PAG1: variants seen among roughly 807,000 people sequenced by gnomAD.
PAG1 encodes the protein phosphoprotein associated with glycosphingolipid-enriched microdomains 1.
PAG1 carries 23 observed loss-of-function variants against 31.7 expected under a neutral mutation model. The observed-to-expected ratio is 0.73, with a 90% CI of 0.52 to 1.03. The LOEUF (loss-of-function observed/expected upper bound fraction) is 1.03. PAG1 is among the 50% of genes least tolerant of loss of function. The pLI is 0.00. For missense variants in PAG1, 473 were observed against 540.7 expected (o/e 0.87, Z 1.24); for synonymous variants, 214 against 210.3 (o/e 1.02, Z -0.15).
intron 1 of PAG1, among the ~76,000 whole-genome samples, chr8:81,085,264 CA>C (rs1809333005): frequency 1.3e-5 from 2 of 152,140 alleles, no homozygotes. Context: ...CTGCATGGTA[CA>C]GTAGTCAGTG....
At chr8:81,029,770 GC>G (rs1396495264) in intron 3 of PAG1, 4 of 152,074 alleles carry the variant, frequency 2.6e-5, no homozygotes, top group African/African-American at 9.7e-5. Flanking sequence ...TTTTCGTACA[GC>G]TCAGTGAGCT....
intron 3 of PAG1, among the ~76,000 whole-genome samples, chr8:81,009,339 T>C (rs1472142738): frequency 1.3e-5 from 2 of 152,190 alleles, no homozygotes; most frequent in African/African-American, 4.8e-5. Flanking sequence ...CTTTATAGAT[T>C]TTAAAAGTTC....
intron 8 of PAG1, among the ~76,000 whole-genome samples, chr8:80,977,739 A>C (rs1423220838): frequency 6.6e-6 from 1 of 152,152 alleles, no homozygotes; most frequent in Non-Finnish European, 1.5e-5. Flanking sequence ...GCACACCCCC[A>C]CAGTCTCACT....
chr8:81,039,235 T>C (rs560935727), intron 2 of PAG1: 23 of 152,322 alleles, frequency 1.5e-4, no homozygotes, highest in Admixed American at 5.2e-4. Context: ...AGTCCTAACC[T>C]CCAGGACTGC....
rs140275862 is a variant in PAG1 at position 81,053,084 on chromosome 8, T to C, written c.-175+17028A>G. ...TTCATAAAAGAGAATGCAGAGTTAA[T>C]AATATCATAAGCTTTGGAATAATAT... On this transcript the variant is annotated intron_variant, in intron 2 of 8. Coordinates refer to ENST00000220597, the MANE Select transcript of PAG1 (RefSeq NM_018440.4). Among the ~76,000 whole-genome samples the C allele has an allele frequency of 4.0e-3, 606 of 152,326 alleles. 6 individuals are homozygous for C. The highest frequency in any genetic ancestry group is 0.014 in the African/African-American group (566 of 41,564).
intron 3 of PAG1, among the ~76,000 whole-genome samples, chr8:80,998,423 C>T (rs898351223): frequency 2.6e-5 from 4 of 151,938 alleles, no homozygotes; most frequent in African/African-American, 7.3e-5. Flanking sequence ...CCACCATGAC[C>T]GGCCAGCAGG....
At chr8:80,994,178 G>A (rs1447069061) in intron 3 of PAG1, among the ~76,000 whole-genome samples, 1 of 150,988 alleles carries the variant, frequency 6.6e-6, no homozygotes, top group Non-Finnish European at 1.5e-5. Flanking sequence ...GTCTGAGAAG[G>A]TTTAAGGTCA....
intron 2 of PAG1, among the ~76,000 whole-genome samples, chr8:81,054,715 T>A (rs1026785025): frequency 6.6e-6 from 1 of 151,994 alleles, no homozygotes; most frequent in African/African-American, 2.4e-5. Context: ...TTCCTATCAA[T>A]CCTCAGAATG....
chr8:80,990,807 C>CTCTCCAAAAT lies in PAG1; in HGVS notation c.177+662_177+671dup, dbSNP rs751744355. 2.6e-5 allele frequency among the ~76,000 whole-genome samples: 4 copies of CTCTCCAAAAT among 152,148 alleles called. No individual in the cohort carries two copies. Among genetic ancestry groups the CTCTCCAAAAT allele is most frequent in the Non-Finnish European group, 2.9e-5 (2 of 68,030 alleles). On this transcript the variant is annotated intron_variant, in intron 5 of 8. Transcript: ENST00000220597. This position sits in a 1 kb window ranked among gnomAD's most constrained non-coding sequence, Gnocchi z 5.1. The stretch of plus-strand genomic sequence containing the variant: ...CCTGTTGTTATGGGTTGAACTGTGT[C>CTCTCCAAAAT]TCTCCAAAATTCATGTCCAAGTCCT...
chr8:81,102,637 C>T (rs1424744982), intron 1 of PAG1, among the ~76,000 whole-genome samples: 2 of 152,080 alleles, frequency 1.3e-5, no homozygotes, highest in Non-Finnish European at 2.9e-5. Context: ...TTTCATGATT[C>T]TAATATTACT....
At chr8:81,037,104 A>G (rs2130816822) in intron 2 of PAG1, 1 of 152,304 alleles carries the variant, frequency 6.6e-6, no homozygotes, top group East Asian at 1.9e-4. Flanking sequence ...TAAGTATGAC[A>G]CCGGAAAAAT....
At chr8:81,068,386 C>T (rs1004555444) in intron 2 of PAG1, among the ~76,000 whole-genome samples, 1 of 152,170 alleles carries the variant, frequency 6.6e-6, no homozygotes, top group East Asian at 1.9e-4. Flanking sequence ...AATCTACTTC[C>T]ACTGTGGAAA....
chr8:81,070,544 C>T (rs1051058414), intron 1 of PAG1, among the ~76,000 whole-genome samples: 2 of 152,006 alleles, frequency 1.3e-5, no homozygotes, highest in African/African-American at 4.8e-5. Flanking sequence ...TTATCACCAG[C>T]ACTGCACCTG....
At chr8:81,055,075 CTTTTTTT>C (rs773535023) in intron 2 of PAG1, among the ~76,000 whole-genome samples, 2 of 138,926 alleles carry the variant, frequency 1.4e-5, no homozygotes, top group Non-Finnish European at 3.1e-5. Flanking sequence ...CTTTTTTTTT[CTTTTTTT>C]TTTTTTTTGT....
Position 80,968,177 on chromosome 8 carries a change from A to G in PAG1, c.*8367T>C, listed in dbSNP as rs530555236. On this transcript the variant is annotated 3_prime_UTR_variant, in exon 9 of 9. Transcript: ENST00000220597. ...AACCCTAAACATAATTAATAATTGG[A>G]TCATTAAAAACACAACTTCAATTTA... 1 of 152,362 alleles carries G rather than the reference A, an allele frequency of 6.6e-6. No individual in the cohort carries two copies. The highest frequency in any genetic ancestry group is 2.1e-4 in the South Asian group (1 of 4,834). 9.4% of individuals were successfully genotyped at this position (152,362 alleles called of 1,614,324 possible).
chr8:81,018,897 G>A (rs866011347), intron 3 of PAG1, among the ~76,000 whole-genome samples: 4 of 152,148 alleles, frequency 2.6e-5, no homozygotes, highest in South Asian at 2.1e-4. Flanking sequence ...GGCAGAGGTC[G>A]GAATAGTTTG....
At chr8:81,092,189 C>CAAAA (rs58417714) in intron 1 of PAG1, among the ~76,000 whole-genome samples, 3 of 71,384 alleles carry the variant, frequency 4.2e-5, no homozygotes, top group South Asian at 5.1e-4. Context: ...CACATCTCTG[C>CAAAA]AAAAAAAAAA....
At chr8:81,041,229 CATGGTA>C (rs1808549770) in intron 2 of PAG1, among the ~76,000 whole-genome samples, 1 of 152,104 alleles carries the variant, frequency 6.6e-6, no homozygotes, top group East Asian at 1.9e-4. Context: ...CAGGTGTTGC[CATGGTA>C]ACTATCCTTT....
At chr8:81,052,095 A>C (rs1332977232) in intron 2 of PAG1, among the ~76,000 whole-genome samples, 4 of 150,204 alleles carry the variant, frequency 2.7e-5, no homozygotes, top group Admixed American at 6.7e-5. Flanking sequence ...ATGCCACTGC[A>C]CTCCAGCCCG....
Sources: gnomAD v4.1 joint callset for allele counts (sites outside exome capture counted in the v4.1 genomes callset) on GRCh38, gnomAD v4.1.1 for gene constraint, Gnocchi (gnomAD v3.1) non-coding constraint, MANE v1.5 for transcripts, NCBI Gene and HGNC (gene_info 2026-07-23, HGNC 2026-07-21) for gene names.